CSGALNACT1: variants seen among roughly 807,000 people sequenced by gnomAD.
The protein encoded by CSGALNACT1 is chondroitin sulfate N-acetylgalactosaminyltransferase 1, also known as beta4GalNAcT-1.
CSGALNACT1 carries 52 observed loss-of-function variants against 51.0 expected under a neutral mutation model. The observed-to-expected ratio is 1.02, with a 90% CI of 0.82 to 1.29. CSGALNACT1 has a LOEUF of 1.29. Among genes scored for constraint, CSGALNACT1 ranks in the 50% most tolerant of loss-of-function variants. CSGALNACT1 has a pLI of 0.00. For synonymous variants in CSGALNACT1, 341 were observed against 254.4 expected, an observed-to-expected ratio of 1.34 and a Z score of -3.24; for missense variants, 935 against 679.2, an observed-to-expected ratio of 1.38 and a Z score of -4.19.
intron 6 of CSGALNACT1, among the ~76,000 whole-genome samples, chr8:19,435,642 C>A (rs777133840): frequency 1.3e-5 from 2 of 152,142 alleles, no homozygotes; most frequent in Non-Finnish European, 2.9e-5. Flanking sequence ...CCCACTGATT[C>A]AGGATTTCTG....
intron 1 of CSGALNACT1, among the ~76,000 whole-genome samples, chr8:19,737,625 G>C (rs1056426103): frequency 6.6e-6 from 1 of 151,758 alleles, no homozygotes; most frequent in Non-Finnish European, 1.5e-5. Flanking sequence ...TCAATTCAAA[G>C]GAAGGAAAAG....
chr8:19,634,643 C>A (rs115007303), intron 1 of CSGALNACT1, among the ~76,000 whole-genome samples: 38 of 152,138 alleles, frequency 2.5e-4, no homozygotes, highest in African/African-American at 9.2e-4. Flanking sequence ...GCCTGGGCAA[C>A]AGAGTGAGAC....
At chr8:19,417,134 C>T (rs941140220) in intron 8 of CSGALNACT1, among the ~76,000 whole-genome samples, 8 of 152,204 alleles carry the variant, frequency 5.3e-5, no homozygotes, top group Admixed American at 1.3e-4. Context: ...GCATTAAAGA[C>T]ATGAGCCACC....
At chr8:19,496,727 G>A (rs905636378) in intron 4 of CSGALNACT1, among the ~76,000 whole-genome samples, 48 of 152,168 alleles carry the variant, frequency 3.2e-4, no homozygotes, top group African/African-American at 1.1e-3. Context: ...CCCTTGCTTG[G>A]TGGGGCAGAT....
At chr8:19,581,923 A>G (rs1180784280) in intron 3 of CSGALNACT1, among the ~76,000 whole-genome samples, 1 of 152,200 alleles carries the variant, frequency 6.6e-6, no homozygotes, top group East Asian at 1.9e-4. Flanking sequence ...GACTTTCTCA[A>G]TTTAGAAAAT....
chr8:19,511,628 C>G (rs2078483527), intron 3 of CSGALNACT1, among the ~76,000 whole-genome samples: 1 of 152,204 alleles, frequency 6.6e-6, no homozygotes. Context: ...AGATGGCCCT[C>G]AATGGTCCCT....
At position 19,722,016 on chromosome 8, in the gene CSGALNACT1, G is replaced by C. The variant is rs530649181; in HGVS notation, c.-297+35834C>G. 2.6e-4 allele frequency among the ~76,000 whole-genome samples: 39 copies of C among 149,558 alleles called. No homozygotes were observed. In the South Asian group the frequency reaches 8.2e-3, roughly 32 times the overall value. ...AAGTCTTCGACTCAAGCAAAAAAAA[G>C]AAATTTCATATTGAATTTTTTTTTC... On this transcript the variant is annotated intron_variant, in intron 1 of 1. Coordinates refer to the CSGALNACT1 transcript ENST00000517494.
At chr8:19,417,231 C>G (rs6980861) in intron 8 of CSGALNACT1, among the ~76,000 whole-genome samples, 21 of 151,944 alleles carry the variant, frequency 1.4e-4, no homozygotes, top group African/African-American at 3.9e-4. Flanking sequence ...ACTACAAAAA[C>G]AGATACACAG....
rs750379318 is a variant in CSGALNACT1, at chr8:19,656,591, G to GC, written c.-544+25881dup. Among the ~76,000 whole-genome samples, 572 of 83,800 alleles carry GC rather than the reference G, an allele frequency of 6.8e-3. 5 individuals carry two copies. Among genetic ancestry groups the GC allele is most frequent in the African/African-American group, 0.019 (447 of 23,254 alleles). 55.0% of individuals were successfully genotyped at this position (83,800 alleles called of 152,430 possible). ...GTGACCAAGAACCAGGAGAAACTACGCCCCCCCCCCACACACACACACGAG... is the reference window on the plus strand; with the variant it reads ...GTGACCAAGAACCAGGAGAAACTACGCCCCCCCCCCCACACACACACACGAG... On this transcript the variant is annotated intron_variant, in intron 1 of 9. Coordinates refer to the CSGALNACT1 transcript ENST00000332246.
In CSGALNACT1 at chr8:19,677,164, A is replaced by T. The variant is rs181729533; in HGVS notation, c.-544+5309T>A. On this transcript the variant is annotated intron_variant, in intron 1 of 9. Transcript: ENST00000332246. ...CACTCTGTCACCCAGGATGGAATAC[A>T]GTCTTATAATCTCTACTCACTGCAG... Among the ~76,000 whole-genome samples, 16 of 152,170 alleles carry T rather than the reference A, an allele frequency of 1.1e-4. No individual in the cohort carries two copies. In the South Asian group the frequency reaches 3.3e-3, roughly 32 times the overall value.
chr8:19,545,672 G>A lies in CSGALNACT1; in HGVS notation c.-296-39542C>T, dbSNP rs144742555. Among the ~76,000 whole-genome samples, 9 of 151,970 alleles carry A rather than the reference G, an allele frequency of 5.9e-5. No individual in the cohort carries two copies. In the South Asian group the frequency reaches 6.3e-4, roughly 11 times the overall value. ...AGTAAAACAATAAGGGAGAAAAAAC[G>A]TAAGGAAATGGTTAATGCGAAACTA... On this transcript the variant is annotated intron_variant, in intron 3 of 9. Coordinates refer to ENST00000454498, the Ensembl canonical transcript of CSGALNACT1.
At chr8:19,487,722 A>G (rs186645492) in intron 4 of CSGALNACT1, among the ~76,000 whole-genome samples, 2 of 152,282 alleles carry the variant, frequency 1.3e-5, no homozygotes, top group African/African-American at 4.8e-5. Context: ...GGGTGTTTCC[A>G]TATGCAGACT....
chr8:19,691,457 T>C (rs186428216), intron 1 of CSGALNACT1, among the ~76,000 whole-genome samples: 1 of 152,142 alleles, frequency 6.6e-6, no homozygotes, highest in Admixed American at 6.5e-5. Flanking sequence ...CAAACACCAA[T>C]TGCCTTCTCA....
intron 4 of CSGALNACT1, among the ~76,000 whole-genome samples, chr8:19,492,482 T>C (rs1192389697): frequency 6.6e-6 from 1 of 152,248 alleles, no homozygotes; most frequent in Non-Finnish European, 1.5e-5. Context: ...ATGTCTAGTA[T>C]GAACTTCAAA....
At chr8:19,722,282 C>T (rs2063170026) in intron 1 of CSGALNACT1, among the ~76,000 whole-genome samples, 1 of 152,120 alleles carries the variant, frequency 6.6e-6, no homozygotes, top group African/African-American at 2.4e-5. Context: ...ACATAAAGGG[C>T]CTCCATCAGT....
intron 3 of CSGALNACT1, among the ~76,000 whole-genome samples, chr8:19,542,955 G>C (rs2085578482): frequency 6.6e-6 from 1 of 152,058 alleles, no homozygotes; most frequent in Non-Finnish European, 1.5e-5. Context: ...AGAGAGGTAT[G>C]AGCTATCAAC....
In CSGALNACT1 at chr8:19,505,745, G is replaced by T; in HGVS notation, c.90C>A (p.Tyr30Ter). 1 of 1,614,160 alleles carries T rather than the reference G, an allele frequency of 6.2e-7. No individual in the cohort carries two copies. The highest frequency in any genetic ancestry group is 8.5e-7 in the Non-Finnish European group (1 of 1,180,032). Residue 30 changes from tyrosine (Y) to a stop codon, truncating the protein, a stop_gained, in exon 4 of 10, where the codon TAC becomes TAA. Transcript: ENST00000454498. LOFTEE classifies it high-confidence loss of function. ...CACCTTTTGGGGTGCAGGCCAACAT[G>T]TACAGGACAGAGATAGCACAGCAGA... is the stretch of plus-strand genomic sequence containing the variant.
chr8:19,753,922 A>C (rs1369273482), intron 1 of CSGALNACT1, among the ~76,000 whole-genome samples: 4 of 152,238 alleles, frequency 2.6e-5, no homozygotes, highest in Non-Finnish European at 1.5e-5. Context: ...AACTTCATTC[A>C]CATTAGAATT....
chr8:19,479,315 G>C (rs544022799), intron 4 of CSGALNACT1, among the ~76,000 whole-genome samples: 1 of 152,160 alleles, frequency 6.6e-6, no homozygotes, highest in Non-Finnish European at 1.5e-5. Flanking sequence ...CTTTGGATGA[G>C]AGTCTGTGCT....
Sources: allele counts gnomAD v4.1 joint callset (sites outside exome capture counted in the v4.1 genomes callset), GRCh38; gene constraint gnomAD v4.1.1; transcripts MANE v1.5; gene names NCBI Gene and HGNC (gene_info 2026-07-23, HGNC 2026-07-21).